The following RPA2 variants were observed in gnomAD, a reference collection of about 807,000 sequenced individuals.
RPA2 encodes the protein replication protein A 32 kDa subunit.
RPA2 carries 22 observed loss-of-function variants against 33.4 expected under a neutral mutation model. The ratio of observed to expected loss-of-function variants is 0.66; its 90% CI spans 0.47 to 0.94. The LOEUF is 0.94. Among genes scored for constraint, RPA2 ranks in the 40% least tolerant of loss-of-function variants. The pLI, the probability that RPA2 is intolerant of heterozygous loss-of-function variation, is 0.00. For synonymous variants in RPA2, 109 were observed against 114.9 expected, an observed-to-expected ratio of 0.95 and a Z score of 0.33; for missense variants, 279 against 329.9, an observed-to-expected ratio of 0.85 and a Z score of 1.19.
chr1:27,898,926 A>G (rs1286683588), intron 4 of RPA2, among the ~76,000 whole-genome samples: 1 of 152,140 alleles, frequency 6.6e-6, no homozygotes, highest in Non-Finnish European at 1.5e-5. Flanking sequence ...TTGAAAATAT[A>G]TCGGGGTATA....
Position 27,894,330 on chromosome 1 carries a change from C to T in RPA2, c.593G>A (p.Ser198Asn), listed in dbSNP as rs1422340426. The T allele has an allele frequency of 6.2e-7, 1 of 1,614,154 alleles. No individual in the cohort carries two copies. Among genetic ancestry groups the T allele is most frequent in the South Asian group, 1.1e-5 (1 of 91,084 alleles). ...AGTGAGGCCATTTGCTGGCATGAAG[C>T]TATTCCCACCAAAGTTCCCTGCTTC... ...MSEAGNFGGN[S>N]FMPANGLTVA... The change falls in exon 7 of 9, where the codon AGC becomes AAC. Residue 198 changes from serine (S) to asparagine (N), a missense_variant. Physicochemically the swap from Ser to Asn is conservative, Grantham distance 46 (BLOSUM62 1). Around this residue, in one of 2 missense-constraint regions of RPA2, gnomAD observed 274 missense variants for 310.3 expected, o/e 0.88. Coordinates refer to ENST00000373912, the MANE Select transcript of RPA2 (RefSeq NM_002946.5).
chr1:27,906,362 G>A (rs1176025390), intron 4 of RPA2, among the ~76,000 whole-genome samples: 2 of 150,744 alleles, frequency 1.3e-5, no homozygotes, highest in Non-Finnish European at 3.0e-5. Context: ...ACAAGATTCT[G>A]TCTCAAAAAA....
At chr1:27,914,735 C>T (rs2090149960), upstream of RPA2, 2 of 1,532,482 alleles carry the variant, frequency 1.3e-6, no homozygotes, top group Non-Finnish European at 1.8e-6. Context: ...GGGCAAAACC[C>T]TCCGCACTAG....
At position 27,897,564 on chromosome 1, in the gene RPA2, A is replaced by G; in HGVS notation, c.408+69T>C. ...GACTTAAGTATTTTAACTATCCAAAAGCCATGACATGAATCTAGAAACTGC... is the reference window on the plus strand; with the variant it reads ...GACTTAAGTATTTTAACTATCCAAAGGCCATGACATGAATCTAGAAACTGC... On this transcript the variant is annotated intron_variant, in intron 5 of 8. Transcript: ENST00000373912. 1.8e-6 allele frequency: 2 copies of G among 1,133,040 alleles called. 1 individual carries two copies. Among genetic ancestry groups the G allele is most frequent in the East Asian group, 5.1e-5 (2 of 39,036 alleles). 70.2% of individuals were successfully genotyped at this position (1,133,040 alleles called of 1,614,324 possible). A position where few individuals can be genotyped will look rare whatever the true frequency, so the allele number is the denominator to read the frequency against.
intron 1 of RPA2, 29 bp from the exon 2 acceptor site, chr1:27,914,198 T>C (rs756579405): frequency 1.1e-5 from 17 of 1,613,164 alleles, no homozygotes; most frequent in Non-Finnish European, 5.1e-6. Flanking sequence ...TTAGTGCCTG[T>C]GCCACGTCCC....
At chr1:27,911,899 T>C (rs1001917010) in intron 2 of RPA2, among the ~76,000 whole-genome samples, 3 of 151,630 alleles carry the variant, frequency 2.0e-5, no homozygotes, top group Non-Finnish European at 2.9e-5. Context: ...AAGACCATCT[T>C]GGCCAACATG....
chr1:27,897,654 T>A lies in RPA2; in HGVS notation c.387A>T (p.Ala129=). The A allele has an allele frequency of 6.2e-7, 1 of 1,602,802 alleles. No individual in the cohort carries two copies. Among genetic ancestry groups the A allele is most frequent in the African/African-American group, 1.3e-5 (1 of 74,634 alleles). Residue 129 remains alanine (A), a synonymous_variant, in exon 5 of 9, where the codon GCA becomes GCT. Transcript: ENST00000373912. ...TTACCTGAAAAGATCTCAGGTGGCC[T>A]GCCACTTTCACATATGTTTCTGGAG... The part of the protein sequence containing the change: ...VVPPETYVKV[A]GHLRSFQNKK...
At chr1:27,914,216 C>A (rs774363551) in intron 1 of RPA2, 47 bp from the exon 2 acceptor site, 2 of 1,610,676 alleles carry the variant, frequency 1.2e-6, no homozygotes, top group African/African-American at 2.7e-5. Context: ...CCCACGCCTC[C>A]GAGAAACCCG....
intron 2 of RPA2, among the ~76,000 whole-genome samples, chr1:27,908,914 A>G (rs754701990): frequency 3.9e-5 from 6 of 152,232 alleles, no homozygotes; most frequent in Non-Finnish European, 8.8e-5. Flanking sequence ...TACCCTCAAC[A>G]TATTCCTAAT....
At chr1:27,901,607 C>T (rs1237039827) in intron 4 of RPA2, among the ~76,000 whole-genome samples, 3 of 151,780 alleles carry the variant, frequency 2.0e-5, no homozygotes, top group South Asian at 2.1e-4. Context: ...GTGACCCTCC[C>T]GCCTCGGCCT....
upstream of RPA2, chr1:27,914,746 C>A (rs1398893962): frequency 3.4e-6 from 5 of 1,460,160 alleles, no homozygotes; most frequent in Admixed American, 5.7e-5. Flanking sequence ...TCCGCACTAG[C>A]GGAAGCAAGG....
intron 4 of RPA2, among the ~76,000 whole-genome samples, chr1:27,906,366 CA>C (rs199774309): frequency 1.4e-4 from 20 of 141,320 alleles, no homozygotes; most frequent in South Asian, 2.3e-4. Context: ...GATTCTGTCT[CA>C]AAAAAAAAAA....
chr1:27,907,411 C>T, intron 2 of RPA2, 129 bp from the exon 3 acceptor site: 3 of 787,980 alleles, frequency 3.8e-6, no homozygotes, highest in Non-Finnish European at 6.0e-6. Flanking sequence ...ATTATCCTTG[C>T]TTCAGAGAGA....
At chr1:27,901,166 G>A (rs1364390987) in intron 4 of RPA2, among the ~76,000 whole-genome samples, 1 of 152,116 alleles carries the variant, frequency 6.6e-6, no homozygotes, top group East Asian at 1.9e-4. Flanking sequence ...TATGTGAAAA[G>A]GAGACTCAGT....
chr1:27,913,545 G>A (rs11247715), intron 2 of RPA2, among the ~76,000 whole-genome samples: 49,622 of 149,440 alleles, frequency 0.33, 8,716 homozygotes, highest in East Asian at 0.52. Context: ...CCGAGATCGC[G>A]CCATTGCACT....
chr1:27,897,588 G>C, intron 5 of RPA2, 45 bp downstream of exon 5: 1 of 1,429,380 alleles, frequency 7.0e-7, no homozygotes, highest in Non-Finnish European at 9.6e-7. Flanking sequence ...TCTAGAAACT[G>C]CTTCATGCAA....
At chr1:27,899,513 G>GAAAAAAAAAAAAAAAAAAAAAAAAAA (rs67126026) in intron 4 of RPA2, among the ~76,000 whole-genome samples, 3 of 107,578 alleles carry the variant, frequency 2.8e-5, no homozygotes, top group Non-Finnish European at 5.5e-5. Context: ...AAAAAAAAAA[G>GAAAAAAAAAAAAAAAAAAAAAAAAAA]AAAAAAAAAA....
chr1:27,911,045 G>A (rs6703851), intron 2 of RPA2, among the ~76,000 whole-genome samples: 50,243 of 151,392 alleles, frequency 0.33, 8,844 homozygotes, highest in East Asian at 0.52. Context: ...GCAAAACCCC[G>A]TCTCCACTGA....
rs924925009 is a variant in RPA2 at position 27,897,769 on chromosome 1, G to A, written c.334-62C>T. 19 of 1,203,442 alleles carry A rather than the reference G, an allele frequency of 1.6e-5. 1 individual carries two copies. The highest frequency in any genetic ancestry group is 4.8e-4 in the Middle Eastern group (2 of 4,170). The allele number at this position is 1,203,442 out of a possible 1,614,324, so 74.5% of individuals were successfully genotyped here. On this transcript the variant is annotated intron_variant, in intron 4 of 8. Coordinates refer to ENST00000373912, the MANE Select transcript of RPA2 (RefSeq NM_002946.5). ...TGATGCTGGTAAAAGCCTCTTTAAC[G>A]TTTCTATATTATGTATAGAAAGAGA...
Sources: allele counts gnomAD v4.1 joint callset (sites outside exome capture counted in the v4.1 genomes callset), GRCh38; gene constraint gnomAD v4.1.1; regional missense constraint gnomAD v4.1.1; transcripts MANE v1.5; gene names NCBI Gene and HGNC (gene_info 2026-07-23, HGNC 2026-07-21).